CCNH: variants seen among roughly 807,000 people sequenced by gnomAD.
CCNH encodes the protein cyclin H, also known as cyclin-H.
In CCNH, 31 loss-of-function variants were observed where a neutral mutation model predicts 41.9. That is an observed-to-expected ratio of 0.74 (90% CI 0.56 to 1.00). CCNH has a LOEUF of 1.00. CCNH is among the 50% of genes least tolerant of loss of function. The pLI is 0.00. For missense variants in CCNH, 362 were observed against 388.4 expected (o/e 0.93, Z 0.57); for synonymous variants, 138 against 136.1 (o/e 1.01, Z -0.10).
At chr5:87,335,435 T>G (rs1757899423) in intron 9 of CCNH, among the ~76,000 whole-genome samples, 1 of 145,282 alleles carries the variant, frequency 6.9e-6, no homozygotes, top group South Asian at 2.3e-4. Context: ...TTTTTTTTTT[T>G]TTTTTTTTTG....
At chr5:87,349,352 G>T in intron 9 of CCNH, 6 of 1,611,298 alleles carry the variant, frequency 3.7e-6, no homozygotes, top group Non-Finnish European at 5.1e-6. Flanking sequence ...ATGGGAGGCC[G>T]GTATTATAAC....
At chr5:87,311,649 C>A in the CCNH span, among the ~76,000 whole-genome samples, 3 of 152,180 alleles carry the variant, frequency 2.0e-5, no homozygotes, top group Non-Finnish European at 4.4e-5. Flanking sequence ...TATGTGACAA[C>A]ACGTGTCAAG....
downstream of CCNH, chr5:87,386,841 G>A: frequency 6.2e-7 from 1 of 1,612,784 alleles, no homozygotes; most frequent in Non-Finnish European, 8.5e-7. Context: ...CTACATGGAA[G>A]GTGTCAATCC....
intron 4 of CCNH, among the ~76,000 whole-genome samples, chr5:87,405,996 AT>A (rs1230236826): frequency 6.6e-6 from 1 of 152,154 alleles, no homozygotes; most frequent in Non-Finnish European, 1.5e-5. Flanking sequence ...CAACCATAGT[AT>A]TTCCACAGAC....
intron 9 of CCNH, among the ~76,000 whole-genome samples, chr5:87,323,038 AGTT>A (rs1756942680): frequency 6.6e-6 from 1 of 152,162 alleles, no homozygotes; most frequent in Non-Finnish European, 1.5e-5. Flanking sequence ...TTAGGAAGGA[AGTT>A]AGATTTAGAG....
chr5:87,407,891 G>C, intron 4 of CCNH, 85 bp downstream of exon 4: 1 of 997,158 alleles, frequency 1.0e-6, no homozygotes, highest in Admixed American at 1.9e-5. Context: ...CAACGAGGAT[G>C]ATTATGAGTT....
intron 9 of CCNH, among the ~76,000 whole-genome samples, chr5:87,319,333 A>G (rs993230365): frequency 1.3e-5 from 2 of 152,152 alleles, no homozygotes; most frequent in African/African-American, 4.8e-5. Flanking sequence ...CCAGTCCCAC[A>G]TTTCCCCCTC....
chr5:87,346,510 G>A (rs1023212547), intron 9 of CCNH, among the ~76,000 whole-genome samples: 2 of 151,806 alleles, frequency 1.3e-5, no homozygotes, highest in African/African-American at 4.8e-5. Flanking sequence ...AGTATAATAT[G>A]TATATAAAAT....
At chr5:87,317,244 C>T (rs912957351), downstream of CCNH, among the ~76,000 whole-genome samples, 2 of 152,236 alleles carry the variant, frequency 1.3e-5, no homozygotes, top group East Asian at 1.9e-4. Context: ...TTATTGCAGT[C>T]CTTTTGTTTG....
At chr5:87,411,519 T>C (rs1050690682) in intron 1 of CCNH, among the ~76,000 whole-genome samples, 173 bp from the exon 2 acceptor site, 1 of 152,232 alleles carries the variant, frequency 6.6e-6, no homozygotes, top group Non-Finnish European at 1.5e-5. Flanking sequence ...TGTAGGAAAA[T>C]ATTTAATAAA....
At chr5:87,352,658 GT>G (rs1759361521) in intron 9 of CCNH, among the ~76,000 whole-genome samples, 1 of 151,344 alleles carries the variant, frequency 6.6e-6, no homozygotes, top group South Asian at 2.1e-4. Flanking sequence ...TTAGCTGGGG[GT>G]TTTTTTCTTC....
chr5:87,318,982 A>G (rs1350736893), intron 9 of CCNH: 1 of 152,348 alleles, frequency 6.6e-6, no homozygotes, highest in East Asian at 1.9e-4. Flanking sequence ...CAAATGGGAG[A>G]AATAGCCAAA....
chr5:87,374,727 CTGTT>C, downstream of CCNH: 2 of 1,414,454 alleles, frequency 1.4e-6, no homozygotes, highest in Admixed American at 2.0e-5. Context: ...GTCTAGCACA[CTGTT>C]TTTTTTTTTA....
chr5:87,397,155 A>G (rs1391454005), intron 7 of CCNH, among the ~76,000 whole-genome samples: 1 of 151,810 alleles, frequency 6.6e-6, no homozygotes, highest in Non-Finnish European at 1.5e-5. Flanking sequence ...ATTGTGTTTC[A>G]TAATTTTTTT....
chr5:87,342,706 G>A (rs1381207517), intron 9 of CCNH, among the ~76,000 whole-genome samples: 1 of 152,152 alleles, frequency 6.6e-6, no homozygotes, highest in Non-Finnish European at 1.5e-5. Context: ...GTGGGAAGTA[G>A]AAAACTAGAA....
chr5:87,399,822 T>C (rs1283549634), intron 6 of CCNH, among the ~76,000 whole-genome samples: 1 of 151,890 alleles, frequency 6.6e-6, no homozygotes, highest in East Asian at 1.9e-4. Flanking sequence ...AAAAAAAAAA[T>C]CCCTAAATGA....
Position 87,396,550 on chromosome 5 carries a change from G to A in CCNH, c.873-1446C>T, listed in dbSNP as rs973954722. On this transcript the variant is annotated intron_variant, in intron 7 of 8. Transcript: ENST00000256897. Reference sequence around the variant, plus strand: ...TGAGGCAGGAGAACTGCTTGAACCCGGGAGGCAGAGGTTGCAGTGAGATCA... The same window carrying A: ...TGAGGCAGGAGAACTGCTTGAACCCAGGAGGCAGAGGTTGCAGTGAGATCA... Among the ~76,000 whole-genome samples, 8 of 152,096 alleles carry A rather than the reference G, an allele frequency of 5.3e-5. 1 individual carries two copies. In the South Asian group the frequency reaches 1.0e-3, roughly 20 times the overall value.
chr5:87,330,345 A>G (rs1341286966), intron 9 of CCNH, among the ~76,000 whole-genome samples: 3 of 152,140 alleles, frequency 2.0e-5, no homozygotes, highest in African/African-American at 4.8e-5. Flanking sequence ...ATTATTACAC[A>G]TATAAGATTA....
At chr5:87,353,714 G>A (rs574631087) in intron 9 of CCNH, among the ~76,000 whole-genome samples, 1 of 152,250 alleles carries the variant, frequency 6.6e-6, no homozygotes, top group East Asian at 1.9e-4. Flanking sequence ...GTAAAGAGGA[G>A]AGTGAAGTTG....
Sources: allele counts gnomAD v4.1 joint callset (sites outside exome capture counted in the v4.1 genomes callset), GRCh38; gene constraint gnomAD v4.1.1; transcripts MANE v1.5; gene names NCBI Gene and HGNC (gene_info 2026-07-23, HGNC 2026-07-21).